DTHD1: variants seen among roughly 807,000 people sequenced by gnomAD.
The protein encoded by DTHD1 is death domain-containing protein 1.
A neutral mutation model predicts 74.8 loss-of-function variants in DTHD1; 59 were observed. The observed-to-expected ratio is 0.79, with a 90% CI of 0.64 to 0.98. The LOEUF (loss-of-function observed/expected upper bound fraction) is 0.98, where lower values mean the gene tolerates loss of function less well. Ranked by LOEUF, DTHD1 falls within the 50% of genes least tolerant of loss-of-function variation. DTHD1 has a pLI of 0.00. For missense variants in DTHD1, 1,051 were observed against 1,065.4 expected (o/e 0.99, Z 0.19); for synonymous variants, 365 against 371.1 (o/e 0.98, Z 0.19).
rs1284667364 is a variant in DTHD1, at chr4:36,281,730, G to A, written c.-29G>A. ...CAAAACCTTTAGGCTTTGCTGGCAG[G>A]AGAGAAAATACCACTTTTGGATCAT... On this transcript the variant is annotated 5_prime_UTR_variant, in exon 1 of 10. Transcript: ENST00000639862. 8.1e-7 allele frequency: 1 copy of A among 1,234,808 alleles called. No individual in the cohort carries two copies. Among genetic ancestry groups the A allele is most frequent in the Non-Finnish European group, 1.0e-6 (1 of 988,620 alleles). 76.5% of individuals were successfully genotyped at this position (1,234,808 alleles called of 1,614,324 possible).
intron 8 of DTHD1, among the ~76,000 whole-genome samples, chr4:36,327,165 C>T (rs759539029): frequency 2.0e-4 from 31 of 152,038 alleles, no homozygotes; most frequent in Non-Finnish European, 4.6e-4. Flanking sequence ...CAGGGTTTCA[C>T]CATATTGGTC....
intron 1 of DTHD1, among the ~76,000 whole-genome samples, chr4:36,282,460 A>G (rs1431823055): frequency 6.6e-6 from 1 of 152,202 alleles, no homozygotes; most frequent in African/African-American, 2.4e-5. Context: ...AGAATATAGT[A>G]TTCTATCTCT....
Position 36,282,011 on chromosome 4 carries a change from C to G in DTHD1, c.253C>G (p.Gln85Glu). The G allele has an allele frequency of 6.6e-7, 1 of 1,524,152 alleles. No individual in the cohort carries two copies. The allele number at this position is 1,524,152 out of a possible 1,614,324, so 94.4% of individuals were successfully genotyped here. A position where few individuals can be genotyped will look rare whatever the true frequency, so the allele number is the denominator to read the frequency against. ...GCATGTGCTGCTTGACAAAGAGAAT[C>G]AATGTGTCTCGAGAAAAGGCAAGTA... is the stretch of plus-strand genomic sequence containing the variant. ...QLHVLLDKEN[Q>E]CVSRKEIITF... The change falls in exon 1 of 10, where the codon CAA (glutamine) becomes GAA (glutamate). Residue 85 changes from glutamine to glutamate, a missense_variant. By Grantham distance (29) the Gln-to-Glu change is conservative (BLOSUM62 2). Transcript: ENST00000639862.
At position 36,295,002 on chromosome 4, in the gene DTHD1, G is replaced by A; in HGVS notation, c.1606G>A (p.Ala536Thr). 1 of 1,550,516 alleles carries A rather than the reference G, an allele frequency of 6.4e-7. No individual in the cohort carries two copies. Among genetic ancestry groups the A allele is most frequent in the Non-Finnish European group, 8.7e-7 (1 of 1,146,044 alleles). Residue 536 changes from alanine to threonine, a missense_variant, in exon 5 of 10, where the codon GCC (alanine) becomes ACC (threonine). Physicochemically the swap from Ala to Thr is moderately conservative, Grantham distance 58 (BLOSUM62 0). Coordinates refer to ENST00000639862, the MANE Select transcript of DTHD1 (RefSeq NM_001170700.3). The part of the protein sequence containing the change: ...SEIDHKRRAS[A>T]TINRITPSYF... ...GATAGATCATAAAAGAAGAGCAAGT[G>A]CCACAATAAATAGGATTACACCTTC...
intron 9 of DTHD1, 136 bp downstream of exon 9, chr4:36,339,305 TA>T: frequency 1.8e-6 from 1 of 563,260 alleles, no homozygotes; most frequent in Non-Finnish European, 2.9e-6. Context: ...ATTGGCCTAA[TA>T]AATACTTATT....
intron 2 of DTHD1, among the ~76,000 whole-genome samples, chr4:36,287,202 C>G (rs1755764316): frequency 6.6e-6 from 1 of 152,122 alleles, no homozygotes; most frequent in South Asian, 2.1e-4. Context: ...GAGCTCAGCT[C>G]CCACTTGTAA....
intron 8 of DTHD1, among the ~76,000 whole-genome samples, chr4:36,322,916 T>G (rs1578478329): frequency 6.6e-6 from 1 of 152,154 alleles, no homozygotes; most frequent in African/African-American, 2.4e-5. Context: ...GTGGAGAGAA[T>G]ATTTTGTGCA....
intron 5 of DTHD1, among the ~76,000 whole-genome samples, chr4:36,303,858 T>G (rs936420267): frequency 6.6e-6 from 1 of 152,238 alleles, no homozygotes; most frequent in Non-Finnish European, 1.5e-5. Context: ...CAGCCACTGT[T>G]CGGTTGCTAT....
At chr4:36,286,404 G>A (rs1296062896) in intron 2 of DTHD1, among the ~76,000 whole-genome samples, 1 of 152,080 alleles carries the variant, frequency 6.6e-6, no homozygotes, top group African/African-American at 2.4e-5. Flanking sequence ...CAGAAGTTGA[G>A]TACTCATTGC....
intron 5 of DTHD1, among the ~76,000 whole-genome samples, chr4:36,296,412 A>G: frequency 6.6e-6 from 1 of 152,244 alleles, no homozygotes; most frequent in Middle Eastern, 3.4e-3. Context: ...TTAAAATTTG[A>G]TATTGAGCAT....
In DTHD1 at chr4:36,292,661, C is replaced by T. The variant is rs539913329; in HGVS notation, c.1219-865C>T. Reference sequence around the variant, plus strand: ...TTCATTCAGCGATATTGTGAAATCTCTTCCTTAGTCAGCTTTCAAATGGTA... The same window carrying T: ...TTCATTCAGCGATATTGTGAAATCTTTTCCTTAGTCAGCTTTCAAATGGTA... On this transcript the variant is annotated intron_variant, in intron 3 of 9. Coordinates refer to ENST00000639862, the MANE Select transcript of DTHD1 (RefSeq NM_001170700.3). Among the ~76,000 whole-genome samples the T allele has an allele frequency of 4.6e-5, 7 of 152,330 alleles. No individual in the cohort carries two copies. In the East Asian group the frequency reaches 1.4e-3, roughly 29 times the overall value.
chr4:36,341,303 G>A (rs1004199564), intron 9 of DTHD1, among the ~76,000 whole-genome samples: 3 of 152,176 alleles, frequency 2.0e-5, no homozygotes, highest in African/African-American at 7.2e-5. Context: ...GGAGATTAAG[G>A]GGCAGGTGTG....
intron 5 of DTHD1, among the ~76,000 whole-genome samples, chr4:36,295,553 A>G (rs1213436460): frequency 6.6e-6 from 1 of 152,124 alleles, no homozygotes; most frequent in Non-Finnish European, 1.5e-5. Flanking sequence ...AGAAAAACAA[A>G]TCAATACCAA....
chr4:36,309,422 C>T (rs10021441), intron 7 of DTHD1, among the ~76,000 whole-genome samples: 25,110 of 152,210 alleles, frequency 0.16, 2,179 homozygotes, highest in Admixed American at 0.25. Context: ...TCGCAGGTTG[C>T]AGTGAGCCGA....
In DTHD1 at chr4:36,332,221, AT is replaced by A; in HGVS notation, c.2341-6890del. Among the ~76,000 whole-genome samples the A allele has an allele frequency of 5.7e-5, 4 of 70,172 alleles. No homozygotes were observed. In the South Asian group the frequency reaches 1.4e-3, roughly 25 times the overall value. 46.0% of individuals were successfully genotyped at this position (70,172 alleles called of 152,430 possible). Reference sequence around the variant, plus strand: ...ATAAAATAAAATAAAATAAAATAAAATAAAATAAAATAAAATAAAATAAAAT... The same window carrying A: ...ATAAAATAAAATAAAATAAAATAAAAAAAATAAAATAAAATAAAATAAAAT... On this transcript the variant is annotated intron_variant, in intron 8 of 9. Coordinates refer to ENST00000639862, the MANE Select transcript of DTHD1 (RefSeq NM_001170700.3).
At chr4:36,335,877 T>C (rs1001301325) in intron 8 of DTHD1, among the ~76,000 whole-genome samples, 2 of 151,964 alleles carry the variant, frequency 1.3e-5, no homozygotes, top group East Asian at 1.9e-4. Flanking sequence ...ATGGAAAGAG[T>C]AGTCAGTAAT....
intron 5 of DTHD1, among the ~76,000 whole-genome samples, chr4:36,305,480 C>T (rs950366055): frequency 1.3e-5 from 2 of 152,162 alleles, no homozygotes; most frequent in Non-Finnish European, 1.5e-5. Flanking sequence ...TGGGGGGAAA[C>T]TGCCCCCATG....
chr4:36,333,878 G>C (rs1029327361), intron 8 of DTHD1: 1 of 152,164 alleles, frequency 6.6e-6, no homozygotes, highest in African/African-American at 2.4e-5. Context: ...AGAAATACTT[G>C]AGAAAACTTT....
chr4:36,293,903 ATCT>A (rs1287789808), intron 4 of DTHD1, among the ~76,000 whole-genome samples, 198 bp downstream of exon 4: 1 of 152,144 alleles, frequency 6.6e-6, no homozygotes, highest in African/African-American at 2.4e-5. Flanking sequence ...TTAAAAATAA[ATCT>A]TCTCTTTATT....
Sources: allele counts gnomAD v4.1 joint callset (sites outside exome capture counted in the v4.1 genomes callset), GRCh38; gene constraint gnomAD v4.1.1; transcripts MANE v1.5; gene names NCBI Gene and HGNC (gene_info 2026-07-23, HGNC 2026-07-21).